The following RETREG3 variants were observed in gnomAD, a reference collection of about 807,000 sequenced individuals.
RETREG3 encodes reticulophagy regulator 3.
A neutral mutation model predicts 50.2 loss-of-function variants in RETREG3; 23 were observed. The observed-to-expected ratio is 0.46, with a 90% CI of 0.33 to 0.65. The LOEUF (loss-of-function observed/expected upper bound fraction) is 0.65, where lower values mean the gene tolerates loss of function less well. RETREG3 is among the 30% of genes least tolerant of loss of function. The pLI is 0.02. For synonymous variants in RETREG3, 240 were observed against 234.4 expected (o/e 1.02, Z -0.22); for missense variants, 546 against 598.0 (o/e 0.91, Z 0.91).
At chr17:42,595,252 C>A (rs1489950334) in intron 1 of RETREG3, among the ~76,000 whole-genome samples, 1 of 151,656 alleles carries the variant, frequency 6.6e-6, no homozygotes, top group African/African-American at 2.4e-5. Flanking sequence ...CAGGCATGAG[C>A]CACTGCGCCT....
rs2093174408 is a variant in RETREG3 at position 42,609,120 on chromosome 17, C to A, written c.205G>T (p.Ala69Ser). ...GCGTTCAGCCCCAGGCACCACAGAG[C>A]GCTCCTAGCTGGCCGCTCCCACACC... ...ALVWERPARS[A>S]LWCLGLNAAF... The change falls in exon 1 of 9, where the codon GCT (alanine) becomes TCT (serine). Residue 69 changes from alanine to serine, a missense_variant. Ala to Ser is a moderately conservative substitution (Grantham distance 99, BLOSUM62 1). Coordinates refer to ENST00000309428, the MANE Select transcript of RETREG3 (RefSeq NM_178126.4). The A allele has an allele frequency of 6.2e-7, 1 of 1,608,474 alleles. No homozygotes were observed. Among genetic ancestry groups the A allele is most frequent in the Non-Finnish European group, 8.5e-7 (1 of 1,179,850 alleles).
At chr17:42,585,006 A>G in intron 6 of RETREG3, 119 bp downstream of exon 6, 1 of 1,148,586 alleles carries the variant, frequency 8.7e-7, no homozygotes, top group Non-Finnish European at 1.2e-6. Context: ...ATCAATCCTC[A>G]CCCCCACCAA....
At chr17:42,590,796 G>A (rs1012538433) in intron 2 of RETREG3, among the ~76,000 whole-genome samples, 4 of 152,076 alleles carry the variant, frequency 2.6e-5, no homozygotes, top group Non-Finnish European at 4.4e-5. Flanking sequence ...GTAAAACCCC[G>A]TCTCTAACAA....
intron 1 of RETREG3, among the ~76,000 whole-genome samples, chr17:42,600,828 T>TA (rs1281613646): frequency 6.6e-6 from 1 of 152,180 alleles, no homozygotes; most frequent in Non-Finnish European, 1.5e-5. Context: ...ACATAATACA[T>TA]AGACAATTAG....
intron 1 of RETREG3, among the ~76,000 whole-genome samples, chr17:42,602,761 G>A (rs9891536): frequency 0.24 from 35,776 of 152,014 alleles, 4,528 homozygotes; most frequent in Non-Finnish European, 0.28. Context: ...GGGCAACATG[G>A]TGAAACCTTG....
At chr17:42,600,442 G>A (rs1442700362) in intron 1 of RETREG3, among the ~76,000 whole-genome samples, 11 of 152,204 alleles carry the variant, frequency 7.2e-5, no homozygotes, top group Admixed American at 3.3e-4. Context: ...TGTGAACACT[G>A]ACTAGAATCA....
In RETREG3 at chr17:42,595,594, C is replaced by G. The variant is rs540369288; in HGVS notation, c.240-3432G>C. ...TTAAAAATAACATTTTAAAATCATA[C>G]AAAGAATGAGGGATGGACGGGAACA... On this transcript the variant is annotated intron_variant, in intron 1 of 8. Transcript: ENST00000309428. Among the ~76,000 whole-genome samples the G allele has an allele frequency of 2.0e-4, 30 of 151,260 alleles. No homozygotes were observed. In the South Asian group the frequency reaches 6.3e-3, roughly 32 times the overall value.
chr17:42,587,559 T>G (rs2093123719), intron 3 of RETREG3: 1 of 372,062 alleles, frequency 2.7e-6, no homozygotes, highest in African/African-American at 2.0e-5. Flanking sequence ...GTTTTCTCAC[T>G]GGGACTGAAT....
Position 42,582,167 on chromosome 17 carries a change from A to T in RETREG3, c.1047T>A (p.Thr349=), listed in dbSNP as rs2093110754. The T allele has an allele frequency of 1.2e-6, 2 of 1,613,940 alleles. No individual in the cohort carries two copies. Among genetic ancestry groups the T allele is most frequent in the African/African-American group, 2.7e-5 (2 of 74,898 alleles). ...DPAGLDDEDD[T]SIGMPSLMYR... ...ACATCAAGCTGGGCATGCCAATGCT[A>T]GTGTCGTCCTCATCATCCAGGCCAG... Residue 349 remains threonine, a synonymous_variant, in exon 9 of 9, where the codon ACT becomes ACA. Coordinates refer to ENST00000309428, the MANE Select transcript of RETREG3 (RefSeq NM_178126.4).
intron 1 of RETREG3, among the ~76,000 whole-genome samples, chr17:42,594,572 G>A (rs546739303): frequency 3.3e-5 from 5 of 151,760 alleles, no homozygotes; most frequent in Non-Finnish European, 7.4e-5. Flanking sequence ...GGCTGGGCGC[G>A]GTGGCTCACG....
chr17:42,586,386 T>C, intron 4 of RETREG3: 1 of 470,492 alleles, frequency 2.1e-6, no homozygotes. Flanking sequence ...TGAATAGGAC[T>C]TAGCCAAAAA....
intron 2 of RETREG3, among the ~76,000 whole-genome samples, chr17:42,588,399 C>A (rs1305013329): frequency 6.6e-6 from 1 of 151,928 alleles, no homozygotes; most frequent in Non-Finnish European, 1.5e-5. Context: ...GCACCCACCA[C>A]AATGCCCGGC....
chr17:42,605,444 TG>T (rs1478929838), intron 1 of RETREG3, among the ~76,000 whole-genome samples: 1 of 152,226 alleles, frequency 6.6e-6, no homozygotes, highest in Non-Finnish European at 1.5e-5. Context: ...GTTTGTTAAC[TG>T]AACAGTCAGT....
At chr17:42,599,047 G>A (rs1567926082) in intron 1 of RETREG3, 1 of 151,816 alleles carries the variant, frequency 6.6e-6, no homozygotes, top group South Asian at 2.1e-4. Flanking sequence ...GTTAGTAATC[G>A]TGCTCTGGGA....
chr17:42,586,252 G>T, intron 4 of RETREG3, 115 bp from the exon 5 acceptor site: 1 of 906,780 alleles, frequency 1.1e-6, no homozygotes, highest in Non-Finnish European at 1.8e-6. Context: ...GCATGGACGT[G>T]CAGCCACTGT....
intron 7 of RETREG3, 71 bp downstream of exon 7, chr17:42,583,427 G>A: frequency 1.7e-5 from 25 of 1,464,676 alleles, no homozygotes; most frequent in Non-Finnish European, 2.4e-5. Flanking sequence ...TGGCCTAAAT[G>A]TGAGCTGTCG....
chr17:42,587,508 G>C (rs1376354394), intron 3 of RETREG3, among the ~76,000 whole-genome samples: 1 of 152,178 alleles, frequency 6.6e-6, no homozygotes, highest in Non-Finnish European at 1.5e-5. Context: ...TAAATGACCT[G>C]GTATAAAAGC....
At position 42,585,216 on chromosome 17, in the gene RETREG3, C is replaced by T; in HGVS notation, c.636G>A (p.Trp212Ter). 1 of 1,614,044 alleles carries T rather than the reference C, an allele frequency of 6.2e-7. No individual in the cohort carries two copies. Among genetic ancestry groups the T allele is most frequent in the Non-Finnish European group, 8.5e-7 (1 of 1,180,036 alleles). The change falls in exon 6 of 9, where the codon TGG becomes TGA. Residue 212 changes from tryptophan to a stop codon, truncating the protein, a stop_gained. Transcript: ENST00000309428. LOFTEE classifies it high-confidence loss of function. ...MWPLAVYHRL[W>*]DRAYVRLKPA... is the part of the protein sequence containing the mutation. ...GCTTCAGCCGCACATATGCTCGATC[C>T]CACAGTCGGTGGTACACAGCAAGGG...
In RETREG3 at chr17:42,609,266, C is replaced by T; in HGVS notation, c.59G>A (p.Arg20Lys). 1 of 1,605,812 alleles carries T rather than the reference C, an allele frequency of 6.2e-7. No individual in the cohort carries two copies. The highest frequency in any genetic ancestry group is 8.5e-7 in the Non-Finnish European group (1 of 1,179,802). ...GGAGCCTGACACATCTCGGCGGCCC[C>T]TGAAAGTCGACCCCGAAGCCGGGCC... ...TPGPASGSTF[R>K]GRRDVSGSWE... The change falls in exon 1 of 9, where the codon AGG becomes AAG. Residue 20 changes from arginine to lysine, a missense_variant. Coordinates refer to ENST00000309428, the MANE Select transcript of RETREG3 (RefSeq NM_178126.4).
Sources: allele counts gnomAD v4.1 joint callset (sites outside exome capture counted in the v4.1 genomes callset), GRCh38; gene constraint gnomAD v4.1.1; transcripts MANE v1.5; gene names NCBI Gene and HGNC (gene_info 2026-07-23, HGNC 2026-07-21).